The following SORCS1 variants were observed in gnomAD, a reference collection of about 807,000 sequenced individuals.
SORCS1 encodes the protein VPS10 domain-containing receptor SorCS1.
A neutral mutation model predicts 146.1 loss-of-function variants in SORCS1; 60 were observed. The ratio of observed to expected loss-of-function variants is 0.41; its 90% CI spans 0.33 to 0.51. The LOEUF (loss-of-function observed/expected upper bound fraction) is 0.51, where lower values mean the gene tolerates loss of function less well. SORCS1 is among the 20% of genes least tolerant of loss of function. The pLI is 0.21. For synonymous variants in SORCS1, 637 were observed against 584.0 expected, an observed-to-expected ratio of 1.09 and a Z score of -1.31; for missense variants, 1,352 against 1,487.6, an observed-to-expected ratio of 0.91 and a Z score of 1.50.
chr10:106,914,939 T>C (rs539948737), intron 2 of SORCS1, among the ~76,000 whole-genome samples: 18 of 152,186 alleles, frequency 1.2e-4, no homozygotes, highest in Admixed American at 2.0e-4. Context: ...TCAGTGGTGC[T>C]GACAGCTGGA....
intron 1 of SORCS1, among the ~76,000 whole-genome samples, chr10:107,023,301 A>C (rs1958234715): frequency 6.6e-6 from 1 of 152,170 alleles, no homozygotes; most frequent in Non-Finnish European, 1.5e-5. Flanking sequence ...TTCCTGCATC[A>C]AACCGAAACG....
At chr10:106,852,020 T>TTGGTATATTAACCTTATA (rs1282124115) in intron 2 of SORCS1, among the ~76,000 whole-genome samples, 1 of 152,222 alleles carries the variant, frequency 6.6e-6, no homozygotes, top group Non-Finnish European at 1.5e-5. Flanking sequence ...GTATATTACT[T>TTGGTATATTAACCTTATA]TTGTATATTA....
chr10:106,954,815 G>C (rs563419685), intron 2 of SORCS1, among the ~76,000 whole-genome samples: 1 of 152,058 alleles, frequency 6.6e-6, no homozygotes, highest in African/African-American at 2.4e-5. Context: ...TCAGCCACAC[G>C]TTGGGACTAC....
chr10:106,897,678 C>T (rs1186680738), intron 2 of SORCS1, among the ~76,000 whole-genome samples: 1 of 151,928 alleles, frequency 6.6e-6, no homozygotes, highest in East Asian at 1.9e-4. Context: ...ACTCAAATTT[C>T]CTTTCAGGAA....
chr10:107,050,797 T>C (rs907962101), intron 1 of SORCS1, among the ~76,000 whole-genome samples: 2 of 152,136 alleles, frequency 1.3e-5, no homozygotes, highest in Non-Finnish European at 2.9e-5. Flanking sequence ...TTTTGCAGGC[T>C]AGAGAGTGAA....
chr10:106,620,371 T>C (rs1847657503), intron 20 of SORCS1, 57 bp downstream of exon 20: 2 of 1,569,878 alleles, frequency 1.3e-6, no homozygotes, highest in Admixed American at 3.5e-5. Flanking sequence ...CCTCCTTTGC[T>C]TCAGGCAGCG....
In SORCS1 at chr10:106,960,636, C is replaced by T. The variant is rs1372515034; in HGVS notation, c.559-4056G>A. Among the ~76,000 whole-genome samples, 7 of 152,084 alleles carry T rather than the reference C, an allele frequency of 4.6e-5. No individual in the cohort carries two copies. In the East Asian group the frequency reaches 1.2e-3, roughly 25 times the overall value. The stretch of plus-strand genomic sequence containing the variant: ...GAGAATGGTCTCGATCTCTTGACCT[C>T]GTGATCCACCTGACTCAGCCTCCCA... On this transcript the variant is annotated intron_variant, in intron 1 of 25. Coordinates refer to ENST00000263054, the MANE Select transcript of SORCS1 (RefSeq NM_052918.5). The surrounding 1 kb of genome is among the most constrained non-coding windows in gnomAD (Gnocchi z 4.4).
At chr10:106,629,117 T>C in intron 19 of SORCS1, 85 bp downstream of exon 19, 1 of 1,236,630 alleles carries the variant, frequency 8.1e-7, no homozygotes. Flanking sequence ...CTAGTGTACT[T>C]CTTCTAGATA....
At chr10:106,938,987 C>T (rs1695001560) in intron 2 of SORCS1, among the ~76,000 whole-genome samples, 1 of 152,134 alleles carries the variant, frequency 6.6e-6, no homozygotes, top group South Asian at 2.1e-4. Context: ...TTTTGTAACC[C>T]TAAAGGGAAA....
intron 1 of SORCS1, among the ~76,000 whole-genome samples, chr10:107,062,594 A>G (rs1961329180): frequency 6.6e-6 from 1 of 152,140 alleles, no homozygotes; most frequent in Admixed American, 6.6e-5. Flanking sequence ...CTGGGACATG[A>G]GGTCAGAATT....
At chr10:106,874,986 T>C (rs2137625627) in intron 2 of SORCS1, among the ~76,000 whole-genome samples, 1 of 152,332 alleles carries the variant, frequency 6.6e-6, no homozygotes, top group Non-Finnish European at 1.5e-5. Flanking sequence ...AAATAGCTTT[T>C]GGGGTAAAAG....
chr10:106,624,747 C>T (rs989034453), intron 19 of SORCS1, among the ~76,000 whole-genome samples: 15 of 152,204 alleles, frequency 9.9e-5, no homozygotes, highest in Non-Finnish European at 1.8e-4. Context: ...TATAAGTTCA[C>T]GCATACATGC....
chr10:106,721,772 G>A (rs1216384635), intron 6 of SORCS1, among the ~76,000 whole-genome samples: 2 of 152,088 alleles, frequency 1.3e-5, no homozygotes, highest in African/African-American at 2.4e-5. Context: ...CTGCTTACGC[G>A]AGCTTGAATG....
rs1460888735 is a variant in SORCS1, at chr10:106,976,104, C to T, written c.559-19524G>A. Among the ~76,000 whole-genome samples, 4 of 141,708 alleles carry T rather than the reference C, an allele frequency of 2.8e-5. No individual in the cohort carries two copies. In the East Asian group the frequency reaches 8.4e-4, roughly 30 times the overall value. 93.0% of individuals were successfully genotyped at this position (141,708 alleles called of 152,430 possible). On this transcript the variant is annotated intron_variant, in intron 1 of 25. Coordinates refer to ENST00000263054, the MANE Select transcript of SORCS1 (RefSeq NM_052918.5). Reference sequence around the variant, plus strand: ...GAGGTTTCAGTGAGCCGAGATCATGCGATAGTACTCCAGCCTGGACTCTGT... The same window carrying T: ...GAGGTTTCAGTGAGCCGAGATCATGTGATAGTACTCCAGCCTGGACTCTGT...
chr10:107,096,141 C>A (rs1221442266), intron 1 of SORCS1, among the ~76,000 whole-genome samples: 3 of 152,124 alleles, frequency 2.0e-5, no homozygotes. Flanking sequence ...TGCATTTTAT[C>A]CAGTGTTTGC....
At chr10:107,143,364 A>G (rs7901514) in intron 1 of SORCS1, among the ~76,000 whole-genome samples, 32,215 of 152,108 alleles carry the variant, frequency 0.21, 4,071 homozygotes, top group African/African-American at 0.35. Context: ...GTCTGGCTCT[A>G]TCGCACAGGC....
chr10:106,649,120 T>A (rs1849671932), intron 18 of SORCS1, among the ~76,000 whole-genome samples: 1 of 152,148 alleles, frequency 6.6e-6, no homozygotes, highest in Non-Finnish European at 1.5e-5. Flanking sequence ...AGCCCAGGTG[T>A]GATCCGATTC....
intron 1 of SORCS1, among the ~76,000 whole-genome samples, chr10:107,159,050 C>T (rs1302123240): frequency 6.6e-6 from 1 of 152,064 alleles, no homozygotes; most frequent in Non-Finnish European, 1.5e-5. Context: ...AGTTCCTTAA[C>T]ATGAAGATGT....
At chr10:106,608,945 C>T (rs1846789504) in intron 22 of SORCS1, among the ~76,000 whole-genome samples, 2 of 152,178 alleles carry the variant, frequency 1.3e-5, no homozygotes, top group Admixed American at 6.6e-5. Flanking sequence ...CAGACATGAG[C>T]CACCCTAAGA....
Sources: gnomAD v4.1 joint callset for allele counts (sites outside exome capture counted in the v4.1 genomes callset) on GRCh38, gnomAD v4.1.1 for gene constraint, Gnocchi (gnomAD v3.1) non-coding constraint, MANE v1.5 for transcripts, NCBI Gene and HGNC (gene_info 2026-07-23, HGNC 2026-07-21) for gene names.